THSD7A: variants seen among roughly 807,000 people sequenced by gnomAD.
The protein encoded by THSD7A is thrombospondin type 1 domain containing 7A.
A neutral mutation model predicts 231.3 loss-of-function variants in THSD7A; 96 were observed. That is an observed-to-expected ratio of 0.41 (90% CI 0.35 to 0.49). The LOEUF (loss-of-function observed/expected upper bound fraction) is 0.49. Ranked by LOEUF, THSD7A falls within the 20% of genes least tolerant of loss-of-function variation. The pLI, the probability that THSD7A is intolerant of heterozygous loss-of-function variation, is 0.05. For synonymous variants in THSD7A, 940 were observed against 743.3 expected (o/e 1.26, Z -4.30); for missense variants, 2,290 against 2,070.2 (o/e 1.11, Z -2.06).
At chr7:11,433,460 CATT>C (rs986598419) in intron 13 of THSD7A, among the ~76,000 whole-genome samples, 5 of 151,962 alleles carry the variant, frequency 3.3e-5, no homozygotes, top group African/African-American at 1.2e-4. Flanking sequence ...AAATCAATGG[CATT>C]ATGACCAAAT....
At chr7:11,523,414 A>G (rs1788347271) in intron 6 of THSD7A, among the ~76,000 whole-genome samples, 1 of 152,106 alleles carries the variant, frequency 6.6e-6, no homozygotes, top group Non-Finnish European at 1.5e-5. Context: ...ACCACTAAGA[A>G]AAATTAAGAA....
chr7:11,544,554 T>A (rs920808238), intron 4 of THSD7A, among the ~76,000 whole-genome samples: 2 of 152,132 alleles, frequency 1.3e-5, no homozygotes, highest in African/African-American at 2.4e-5. Flanking sequence ...ATTAAAAAAA[T>A]TTAAACTACA....
intron 1 of THSD7A, among the ~76,000 whole-genome samples, chr7:11,774,843 A>T (rs12699272): frequency 0.47 from 71,829 of 151,932 alleles, 17,161 homozygotes; most frequent in Admixed American, 0.51. Context: ...TCACCTGAGG[A>T]CGGGAGTTCG....
chr7:11,696,611 G>T (rs892035342), intron 1 of THSD7A, among the ~76,000 whole-genome samples: 1 of 150,458 alleles, frequency 6.6e-6, no homozygotes. Flanking sequence ...GACAGGCCCC[G>T]CCAAATCATG....
intron 1 of THSD7A, among the ~76,000 whole-genome samples, chr7:11,649,961 C>T (rs1442194927): frequency 6.6e-6 from 1 of 152,008 alleles, no homozygotes; most frequent in Non-Finnish European, 1.5e-5. Flanking sequence ...TATATTTTGA[C>T]AAACGGCAGA....
chr7:11,667,160 G>C (rs1416276402), intron 1 of THSD7A, among the ~76,000 whole-genome samples: 1 of 151,904 alleles, frequency 6.6e-6, no homozygotes, highest in Non-Finnish European at 1.5e-5. Context: ...CCTCACCTGA[G>C]CAGTGTACAC....
At chr7:11,448,057 C>T (rs1463242788) in intron 11 of THSD7A, among the ~76,000 whole-genome samples, 3 of 152,094 alleles carry the variant, frequency 2.0e-5, no homozygotes, top group Non-Finnish European at 4.4e-5. Flanking sequence ...CAAAGTCCTC[C>T]ATCTCCTCTT....
At chr7:11,783,733 C>T (rs934160368) in intron 1 of THSD7A, among the ~76,000 whole-genome samples, 3 of 151,924 alleles carry the variant, frequency 2.0e-5, no homozygotes, top group Non-Finnish European at 2.9e-5. Flanking sequence ...ATATTTGTTA[C>T]GTTATAATTT....
intron 6 of THSD7A, among the ~76,000 whole-genome samples, chr7:11,483,505 T>C (rs1428405714): frequency 3.9e-5 from 6 of 152,182 alleles, no homozygotes; most frequent in Admixed American, 1.3e-4. Context: ...TTTGTTTTTA[T>C]TGGTGTTGGG....
intron 1 of THSD7A, chr7:11,820,787 G>A: frequency 8.4e-7 from 1 of 1,188,212 alleles, no homozygotes; most frequent in South Asian, 1.2e-5. Context: ...GGAAGAGGAG[G>A]AGGATCTGGA....
chr7:11,743,615 G>C (rs1345803833), intron 1 of THSD7A, among the ~76,000 whole-genome samples: 2 of 151,634 alleles, frequency 1.3e-5, no homozygotes, highest in African/African-American at 2.4e-5. Flanking sequence ...TCATTTTAGA[G>C]GCAAATTATC....
chr7:11,531,962 T>A (rs1788727837), intron 6 of THSD7A, among the ~76,000 whole-genome samples: 1 of 152,140 alleles, frequency 6.6e-6, no homozygotes, highest in Non-Finnish European at 1.5e-5. Context: ...ATTCCACTAT[T>A]CCTTGAGCCT....
chr7:11,792,744 A>G (rs1783996811), intron 1 of THSD7A, among the ~76,000 whole-genome samples: 1 of 151,962 alleles, frequency 6.6e-6, no homozygotes, highest in African/African-American at 2.4e-5. Context: ...TGTCCACTAT[A>G]CCATAGGCCA....
chr7:11,688,809 A>G (rs1780144270), intron 1 of THSD7A, among the ~76,000 whole-genome samples: 1 of 151,822 alleles, frequency 6.6e-6, no homozygotes, highest in South Asian at 2.1e-4. Context: ...CATCAAGTTC[A>G]CTACTCTGCA....
chr7:11,620,059 G>C (rs189598561), intron 2 of THSD7A, among the ~76,000 whole-genome samples: 1 of 152,110 alleles, frequency 6.6e-6, no homozygotes, highest in African/African-American at 2.4e-5. Flanking sequence ...GTTGACAAAC[G>C]TGATCAATAA....
intron 6 of THSD7A, among the ~76,000 whole-genome samples, chr7:11,514,221 T>C (rs1485740908): frequency 3.3e-5 from 5 of 152,188 alleles, no homozygotes; most frequent in African/African-American, 1.2e-4. Context: ...ATAACACTTA[T>C]CATTGTTTTG....
At chr7:11,547,885 C>T (rs1789463881) in intron 4 of THSD7A, among the ~76,000 whole-genome samples, 1 of 152,116 alleles carries the variant, frequency 6.6e-6, no homozygotes, top group South Asian at 2.1e-4. Flanking sequence ...GTTTACAATA[C>T]TAAATGCTCA....
At chr7:11,574,601 A>AT (rs78701752) in intron 4 of THSD7A, among the ~76,000 whole-genome samples, 2,201 of 140,026 alleles carry the variant, frequency 0.016, 44 homozygotes, top group African/African-American at 0.043. Context: ...CGCCCGGCTA[A>AT]TTTTTTTTTT....
chr7:11,407,464 G>C (rs780002913), intron 19 of THSD7A, 41 bp from the exon 20 acceptor site: 3 of 1,462,338 alleles, frequency 2.1e-6, no homozygotes, highest in South Asian at 1.2e-5. Context: ...ATTGTAAATT[G>C]GGGGAGGGAG....
Sources: allele counts gnomAD v4.1 joint callset (sites outside exome capture counted in the v4.1 genomes callset), GRCh38; gene constraint gnomAD v4.1.1; transcripts MANE v1.5; gene names NCBI Gene and HGNC (gene_info 2026-07-23, HGNC 2026-07-21).